The following NFRKB variants were observed in gnomAD, a reference collection of about 807,000 sequenced individuals.
NFRKB encodes nuclear factor related to kappaB binding protein.
Under a neutral mutation model 135.7 loss-of-function variants are expected in NFRKB, and 62 were observed. The observed-to-expected ratio is 0.46, with a 90% CI of 0.37 to 0.56. The LOEUF (loss-of-function observed/expected upper bound fraction) is 0.56. Among genes scored for constraint, NFRKB ranks in the 20% least tolerant of loss-of-function variants. NFRKB has a pLI of 0.00. For synonymous variants in NFRKB, 678 were observed against 635.6 expected, an observed-to-expected ratio of 1.07 and a Z score of -1.00; for missense variants, 1,545 against 1,662.0, an observed-to-expected ratio of 0.93 and a Z score of 1.22.
At position 129,877,422 on chromosome 11, in the gene NFRKB, T is replaced by A. The variant is rs755298490; in HGVS notation, c.1512-37A>T. The A allele has an allele frequency of 8.8e-6, 14 of 1,592,114 alleles. No homozygotes were observed. The South Asian group carries it at 1.4e-4, about 16-fold the overall frequency. ...AGAATTCTGTATCAACCCTGACAGC[T>A]GGCACGTGTGTCAGACCCATTGCCC... On this transcript the variant is annotated intron_variant, in intron 15 of 26. Transcript: ENST00000682444.
At chr11:129,889,984 A>G (rs1434004969) in intron 3 of NFRKB, among the ~76,000 whole-genome samples, 11 of 89,872 alleles carry the variant, frequency 1.2e-4, no homozygotes, top group Non-Finnish European at 1.6e-4. Flanking sequence ...GTGTGTGTGT[A>G]TGCATTTTAT....
chr11:129,872,134 C>T (rs1271705917), intron 23 of NFRKB, among the ~76,000 whole-genome samples: 1 of 152,184 alleles, frequency 6.6e-6, no homozygotes, highest in Non-Finnish European at 1.5e-5. Context: ...AAATAACACA[C>T]TACTGCTCTC....
At position 129,877,322 on chromosome 11, in the gene NFRKB, T is replaced by C. The variant is rs1435351717; in HGVS notation, c.1572+3A>G. 4 of 1,613,990 alleles carry C rather than the reference T, an allele frequency of 2.5e-6. No individual in the cohort carries two copies. The highest frequency in any genetic ancestry group is 1.3e-5 in the African/African-American group (1 of 74,926). On this transcript the variant is annotated splice_donor_region_variant and intron_variant, in intron 16 of 26. Transcript: ENST00000682444. ...AGACTTACACTGGCTTTTAGGTTCT[T>C]ACCTGCTCCTGAAAAACCCGTTTCT... is the stretch of plus-strand genomic sequence containing the variant.
chr11:129,890,086 G>C (rs1296755528), intron 3 of NFRKB, among the ~76,000 whole-genome samples: 1 of 151,260 alleles, frequency 6.6e-6, no homozygotes, highest in African/African-American at 2.4e-5. Flanking sequence ...CAAGGACAGG[G>C]AGGGAGGTGG....
Position 129,874,603 on chromosome 11 carries a change from T to C in NFRKB, c.1979-23A>G, listed in dbSNP as rs1321268680. The C allele has an allele frequency of 6.2e-7, 1 of 1,613,150 alleles. No homozygotes were observed. Among genetic ancestry groups the C allele is most frequent in the African/African-American group, 1.3e-5 (1 of 74,964 alleles). On this transcript the variant is annotated intron_variant, in intron 19 of 26. Coordinates refer to ENST00000682444, the MANE Select transcript of NFRKB (RefSeq NM_001143835.2). The surrounding 1 kb of genome is among the most constrained non-coding windows in gnomAD (Gnocchi z 4.5). Reference sequence around the variant, plus strand: ...GCTCTGTGAACAAGAGGGGCAAGCTTCAGCCAGAGTTTAACCTTAGCAAAC... The same window carrying C: ...GCTCTGTGAACAAGAGGGGCAAGCTCCAGCCAGAGTTTAACCTTAGCAAAC...
At chr11:129,891,321 C>CT (rs1309116023) in intron 3 of NFRKB, among the ~76,000 whole-genome samples, 1 of 152,300 alleles carries the variant, frequency 6.6e-6, no homozygotes, top group Non-Finnish European at 1.5e-5. Context: ...TGGCAGCAAA[C>CT]TAAGAATGAC....
chr11:129,895,076 G>A (rs541663954), intron 1 of NFRKB, among the ~76,000 whole-genome samples: 2 of 152,298 alleles, frequency 1.3e-5, no homozygotes, highest in African/African-American at 4.8e-5. Context: ...CAGATCTTCG[G>A]GCGTTCTGAA....
At chr11:129,876,235 A>G (rs1374609181) in intron 17 of NFRKB, among the ~76,000 whole-genome samples, 1 of 152,230 alleles carries the variant, frequency 6.6e-6, no homozygotes, top group Non-Finnish European at 1.5e-5. Context: ...ATCTTGTCAT[A>G]TAACATCATA....
intron 8 of NFRKB, 55 bp downstream of exon 8, chr11:129,884,015 C>T: frequency 6.3e-7 from 1 of 1,581,804 alleles, no homozygotes; most frequent in Non-Finnish European, 8.7e-7. Flanking sequence ...TCAGGACAGC[C>T]AATCCTGAGA....
intron 9 of NFRKB, 126 bp downstream of exon 9, chr11:129,882,996 A>C: frequency 3.9e-6 from 3 of 774,400 alleles, no homozygotes; most frequent in East Asian, 2.5e-5. Flanking sequence ...TTAGCCTGTA[A>C]GAGGTAATAA....
rs1436280004 is a variant in NFRKB at position 129,886,332 on chromosome 11, A to C, written c.450T>G (p.Ile150Met). ...CACTACTTACACTCCGGGAAGCAAG[A>C]ATTTGCTTCAGCAGCCGATGGAAAT... is the stretch of plus-strand genomic sequence containing the variant. ...QQYFHRLLKQ[I>M]LASRSDLLEM... Residue 150 changes from isoleucine to methionine, a missense_variant, in exon 5 of 27, where the codon ATT becomes ATG. By Grantham distance (10) the Ile-to-Met change is conservative. This residue lies in a region of NFRKB where 678 missense variants were observed against 646.7 expected (regional missense o/e 1.05). Coordinates refer to ENST00000682444, the MANE Select transcript of NFRKB (RefSeq NM_001143835.2). 1.2e-6 allele frequency: 2 copies of C among 1,613,966 alleles called. No homozygotes were observed. Among genetic ancestry groups the C allele is most frequent in the Non-Finnish European group, 1.7e-6 (2 of 1,180,002 alleles).
At chr11:129,875,901 C>T (rs1025136272) in intron 17 of NFRKB, among the ~76,000 whole-genome samples, 2 of 152,108 alleles carry the variant, frequency 1.3e-5, no homozygotes, top group African/African-American at 4.8e-5. Context: ...AGGTGATCCG[C>T]CTGCCTTGGC....
In NFRKB at chr11:129,874,956, T is replaced by C; in HGVS notation, c.1855-40A>G. 1 of 1,611,852 alleles carries C rather than the reference T, an allele frequency of 6.2e-7. No homozygotes were observed. Among genetic ancestry groups the C allele is most frequent in the African/African-American group, 1.3e-5 (1 of 75,024 alleles). The stretch of plus-strand genomic sequence containing the variant: ...AAGGGAAATAAGAAACAAGTCAAGC[T>C]TAGATAACAGAAGTTATTTGAACTC... On this transcript the variant is annotated intron_variant, in intron 18 of 26. Coordinates refer to ENST00000682444, the MANE Select transcript of NFRKB (RefSeq NM_001143835.2). This position sits in a 1 kb window ranked among gnomAD's most constrained non-coding sequence, Gnocchi z 4.5.
At chr11:129,867,300 T>C (rs1337609947) in intron 24 of NFRKB, among the ~76,000 whole-genome samples, 1 of 151,602 alleles carries the variant, frequency 6.6e-6, no homozygotes, top group Non-Finnish European at 1.5e-5. Context: ...TCAACTTCTA[T>C]GATGCAGAAA....
intron 25 of NFRKB, among the ~76,000 whole-genome samples, chr11:129,865,591 A>T (rs976979888): frequency 6.6e-6 from 1 of 151,638 alleles, no homozygotes; most frequent in African/African-American, 2.4e-5. Context: ...CACTTCCCAC[A>T]CCCTTTTCTC....
At position 129,864,665 on chromosome 11, in the gene NFRKB, T is replaced by G. The variant is rs751329208; in HGVS notation, c.*60A>C. 6 of 1,609,694 alleles carry G rather than the reference T, an allele frequency of 3.7e-6. No homozygotes were observed. The highest frequency in any genetic ancestry group is 4.2e-6 in the Non-Finnish European group (5 of 1,177,710). On this transcript the variant is annotated 3_prime_UTR_variant, in exon 27 of 27. Coordinates refer to ENST00000682444, the MANE Select transcript of NFRKB (RefSeq NM_001143835.2). ...TAAAACAATGATGCAACCTCCCTGG[T>G]CCCTTCTCAGCCAGGACAGACCAGG...
chr11:129,873,952 G>C lies in NFRKB; in HGVS notation c.2343C>G (p.Ser781Arg). Residue 781 changes from serine to arginine, a missense_variant, in exon 22 of 27, where the codon AGC becomes AGG. Physicochemically the swap from Ser to Arg is moderately radical, Grantham distance 110. Transcript: ENST00000682444. ...CAGCCTGAGAACTGGGTGCAGTCTG[G>C]CTGGAAGCTGGGGAAAGCATTGTTC... ...HLGTMLSPAS[S>R]QTAPSSQAAA... is the part of the protein sequence containing the mutation. 1 of 1,612,932 alleles carries C rather than the reference G, an allele frequency of 6.2e-7. No individual in the cohort carries two copies.
chr11:129,874,425 G>A lies in NFRKB; in HGVS notation c.2058+76C>T, dbSNP rs1948668758. On this transcript the variant is annotated intron_variant, in intron 20 of 26. Transcript: ENST00000682444. The surrounding 1 kb of genome is among the most constrained non-coding windows in gnomAD (Gnocchi z 4.5). ...TACAGCTCCTGATGCCCCACACCAA[G>A]TGAAAGCCGAGCAGCCACTCTTAGT... The A allele has an allele frequency of 1.9e-6, 3 of 1,557,122 alleles. No homozygotes were observed. Among genetic ancestry groups the A allele is most frequent in the Admixed American group, 3.9e-5 (2 of 51,552 alleles).
At position 129,874,138 on chromosome 11, in the gene NFRKB, A is replaced by T; in HGVS notation, c.2254T>A (p.Ser752Thr). 6.5e-7 allele frequency: 1 copy of T among 1,531,190 alleles called. No homozygotes were observed. The highest frequency in any genetic ancestry group is 8.8e-7 in the Non-Finnish European group (1 of 1,140,610). 94.9% of individuals were successfully genotyped at this position (1,531,190 alleles called of 1,614,324 possible). Residue 752 changes from serine (S) to threonine (T), a missense_variant, in exon 21 of 27, where the codon TCA (serine) becomes ACA (threonine). By Grantham distance (58) the Ser-to-Thr change is moderately conservative. Around this residue, in one of 3 missense-constraint regions of NFRKB, gnomAD observed 753 missense variants for 804.3 expected, o/e 0.94. Transcript: ENST00000682444. This position sits in a 1 kb window ranked among gnomAD's most constrained non-coding sequence, Gnocchi z 4.5. Reference protein sequence around the residue: ...AVNKSGPSTVSEPAKSSSGVL... With the variant: ...AVNKSGPSTVTEPAKSSSGVL... ...CCCGAGCTAGACTTAGCTGGTTCTG[A>T]GACTGTGGAAGGGCCGCTTTTGTTC...
Sources: allele counts gnomAD v4.1 joint callset (sites outside exome capture counted in the v4.1 genomes callset), GRCh38; gene constraint gnomAD v4.1.1; regional missense constraint gnomAD v4.1.1; non-coding constraint Gnocchi (gnomAD v3.1); transcripts MANE v1.5; gene names NCBI Gene and HGNC (gene_info 2026-07-23, HGNC 2026-07-21).